CEP152: variants seen among roughly 807,000 people sequenced by gnomAD.
CEP152 encodes the protein centrosomal protein 152.
CEP152 carries 132 observed loss-of-function variants against 188.9 expected under a neutral mutation model. That is an observed-to-expected ratio of 0.70 (90% CI 0.61 to 0.81). CEP152 has a LOEUF of 0.81. CEP152 is among the 30% of genes least tolerant of loss of function. CEP152 has a pLI of 0.00. For missense variants in CEP152, 1,914 were observed against 1,969.8 expected, an observed-to-expected ratio of 0.97 and a Z score of 0.54; for synonymous variants, 649 against 666.6, an observed-to-expected ratio of 0.97 and a Z score of 0.41.
intron 2 of CEP152, among the ~76,000 whole-genome samples, chr15:48,732,606 C>G (rs1182691598): frequency 6.7e-6 from 1 of 150,120 alleles, no homozygotes; most frequent in African/African-American, 2.5e-5. Flanking sequence ...AGCAAACCAC[C>G]ATGGCACACA....
At chr15:48,793,599 TAA>T in intron 6 of CEP152, 138 bp from the exon 7 acceptor site, 1 of 749,016 alleles carries the variant, frequency 1.3e-6, no homozygotes, top group South Asian at 1.7e-5. Context: ...TGACTAGGAT[TAA>T]AAAAGAGAGA....
intron 21 of CEP152, among the ~76,000 whole-genome samples, chr15:48,751,464 T>C (rs1272584582): frequency 1.3e-5 from 2 of 152,154 alleles, no homozygotes; most frequent in African/African-American, 4.8e-5. Context: ...AAAGGGTTTG[T>C]GAACAATGAG....
At chr15:48,741,915 A>G (rs1236559962) in intron 25 of CEP152, 32 bp downstream of exon 25, 11 of 1,613,776 alleles carry the variant, frequency 6.8e-6, no homozygotes, top group Non-Finnish European at 9.3e-6. Flanking sequence ...TGTCCTGGTA[A>G]TCTCAGGACA....
chr15:48,744,490 T>TA (rs1893261773), intron 23 of CEP152, 147 bp from the exon 24 acceptor site: 1 of 1,374,280 alleles, frequency 7.3e-7, no homozygotes, highest in African/African-American at 1.5e-5. Context: ...TACAGTTATT[T>TA]AAAATAGGGG....
At chr15:48,775,763 T>C (rs1370733395) in intron 12 of CEP152, among the ~76,000 whole-genome samples, 2 of 152,190 alleles carry the variant, frequency 1.3e-5, no homozygotes, top group East Asian at 3.9e-4. Context: ...TGGGAATGAC[T>C]GGTAATAGGC....
At chr15:48,735,510 G>A (rs1049804467), downstream of CEP152, among the ~76,000 whole-genome samples, 11 of 152,128 alleles carry the variant, frequency 7.2e-5, no homozygotes, top group Admixed American at 3.3e-4. Flanking sequence ...GGAGGTGGGC[G>A]GATCACTTGA....
rs771300175 is a variant in CEP152, at chr15:48,788,790, AT to A, written c.1173+10del. On this transcript the variant is annotated intron_variant, in intron 9 of 26. Coordinates refer to ENST00000380950, the MANE Select transcript of CEP152 (RefSeq NM_001194998.2). Reference sequence around the variant, plus strand: ...TGTTGATAACAGTTGCTCATTTGAAATCATCCCAACCTGTTCTTTAAGTGCG... The same window carrying A: ...TGTTGATAACAGTTGCTCATTTGAAACATCCCAACCTGTTCTTTAAGTGCG... 2 of 1,612,842 alleles carry A rather than the reference AT, an allele frequency of 1.2e-6. No individual in the cohort carries two copies. The highest frequency in any genetic ancestry group is 2.2e-5 in the South Asian group (2 of 91,058).
downstream of CEP152, chr15:48,737,857 GT>G (rs1380044716): frequency 5.9e-6 from 1 of 170,810 alleles, no homozygotes; most frequent in Non-Finnish European, 1.3e-5. Flanking sequence ...CAAAATTTAT[GT>G]TTTTTTCTGG....
chr15:48,801,429 T>C (rs1002079566), intron 2 of CEP152, among the ~76,000 whole-genome samples: 1 of 152,238 alleles, frequency 6.6e-6, no homozygotes, highest in Non-Finnish European at 1.5e-5. Context: ...CAAGTCAGTA[T>C]TGCCAAGTGC....
intron 22 of CEP152, among the ~76,000 whole-genome samples, chr15:48,747,322 T>G (rs900602593): frequency 6.6e-6 from 1 of 152,168 alleles, no homozygotes; most frequent in African/African-American, 2.4e-5. Flanking sequence ...CATTTTGTTT[T>G]TTGTCCATTT....
rs781494539 is a variant in CEP152 at position 48,781,339 on chromosome 15, T to G, written c.1434A>C (p.Lys478Asn). The G allele has an allele frequency of 1.2e-6, 2 of 1,608,174 alleles. No homozygotes were observed. Among genetic ancestry groups the G allele is most frequent in the South Asian group, 2.2e-5 (2 of 90,890 alleles). ...CAGATTCATAGAGAGAAATTTCATC[T>G]TTTAGTTCTGTTAATTCTTCCTACA... Reference protein sequence around the residue: ...KALQEELTELKDEISLYESAA... With the variant: ...KALQEELTELNDEISLYESAA... The change falls in exon 12 of 27, where the codon AAA (lysine) becomes AAC (asparagine). Residue 478 changes from lysine (K) to asparagine (N), a missense_variant. Physicochemically the swap from Lys to Asn is moderately conservative, Grantham distance 94 (BLOSUM62 0). Transcript: ENST00000380950.
chr15:48,741,496 A>T, intron 26 of CEP152, 105 bp downstream of exon 26: 1 of 1,597,768 alleles, frequency 6.3e-7, no homozygotes, highest in Non-Finnish European at 8.5e-7. Context: ...AAACTTCACA[A>T]ATTAACTCTC....
chr15:48,753,202 G>C (rs140092201), intron 20 of CEP152, among the ~76,000 whole-genome samples: 1 of 152,112 alleles, frequency 6.6e-6, no homozygotes. Context: ...GCATTGGCGC[G>C]ATCTCAGCTC....
intron 12 of CEP152, among the ~76,000 whole-genome samples, chr15:48,779,891 T>C (rs950963998): frequency 1.2e-4 from 18 of 152,240 alleles, no homozygotes; most frequent in African/African-American, 4.3e-4. Flanking sequence ...AAGCCTTTCT[T>C]TGACAACTTG....
intron 11 of CEP152, 140 bp downstream of exon 11, chr15:48,781,999 A>G (rs1896278149): frequency 2.7e-6 from 2 of 729,666 alleles, no homozygotes; most frequent in South Asian, 3.0e-5. Context: ...TGTGAAGGAG[A>G]TGGTGAACAA....
At position 48,805,777 on chromosome 15, in the gene CEP152, T is replaced by C. The variant is rs577129214; in HGVS notation, c.-7-121A>G. The C allele has an allele frequency of 2.3e-5, 30 of 1,325,570 alleles. No homozygotes were observed. In the African/African-American group the frequency reaches 2.9e-4, roughly 13 times the overall value. 82.1% of individuals were successfully genotyped at this position (1,325,570 alleles called of 1,614,324 possible). ...GACAGAAACAGACTGGGAGAAAATA[T>C]GTATAACTCAGTTATGGCCAATAAA... On this transcript the variant is annotated intron_variant, in intron 1 of 26. Coordinates refer to ENST00000380950, the MANE Select transcript of CEP152 (RefSeq NM_001194998.2).
At chr15:48,778,756 C>A (rs554390983) in intron 12 of CEP152, among the ~76,000 whole-genome samples, 2 of 152,022 alleles carry the variant, frequency 1.3e-5, no homozygotes, top group Non-Finnish European at 2.9e-5. Flanking sequence ...TCAAGACCAG[C>A]CTGACCAACA....
At chr15:48,759,991 C>G in intron 19 of CEP152, 144 bp downstream of exon 19, 1 of 1,035,150 alleles carries the variant, frequency 9.7e-7, no homozygotes, top group Non-Finnish European at 1.5e-6. Context: ...AGAACACTTG[C>G]TAGGCTTTGA....
chr15:48,759,724 C>T (rs1169367969), intron 19 of CEP152, among the ~76,000 whole-genome samples: 2 of 152,100 alleles, frequency 1.3e-5, no homozygotes, highest in African/African-American at 4.8e-5. Flanking sequence ...TCTGTATTTT[C>T]CAGTCAAGAA....
Sources: gnomAD v4.1 joint callset for allele counts (sites outside exome capture counted in the v4.1 genomes callset) on GRCh38, gnomAD v4.1.1 for gene constraint, MANE v1.5 for transcripts, NCBI Gene and HGNC (gene_info 2026-07-23, HGNC 2026-07-21) for gene names.